PRLR: variants seen among roughly 807,000 people sequenced by gnomAD.
PRLR encodes hPRL receptor.
Under a neutral mutation model 40.2 loss-of-function variants are expected in PRLR, and 13 were observed. That is an observed-to-expected ratio of 0.32 (90% CI 0.21 to 0.51). The LOEUF (loss-of-function observed/expected upper bound fraction) is 0.51. PRLR is among the 20% of genes least tolerant of loss of function. The pLI is 0.97. For synonymous variants in PRLR, 269 were observed against 278.7 expected (o/e 0.97, Z 0.35); for missense variants, 656 against 747.3 (o/e 0.88, Z 1.42).
At chr5:35,049,658 C>T (rs1336331740) in intron 8 of PRLR, among the ~76,000 whole-genome samples, 2 of 152,160 alleles carry the variant, frequency 1.3e-5, no homozygotes, top group Non-Finnish European at 2.9e-5. Flanking sequence ...TGTGTATACA[C>T]ATGCTGTTTC....
At chr5:35,154,885 G>A (rs182584734) in intron 1 of PRLR, among the ~76,000 whole-genome samples, 165 of 151,974 alleles carry the variant, frequency 1.1e-3, no homozygotes, top group Admixed American at 1.8e-3. Context: ...ATTAATGCAG[G>A]AACAGAAAAC....
At chr5:35,080,557 G>A (rs577114898) in intron 5 of PRLR, among the ~76,000 whole-genome samples, 2 of 152,302 alleles carry the variant, frequency 1.3e-5, no homozygotes, top group East Asian at 3.9e-4. Flanking sequence ...TGCCGGAGAG[G>A]ATGTGGAGAA....
intron 1 of PRLR, among the ~76,000 whole-genome samples, chr5:35,138,498 T>C (rs1209925215): frequency 6.6e-6 from 1 of 152,224 alleles, no homozygotes. Flanking sequence ...TTGGAATTTA[T>C]GGAAAACAGG....
At chr5:35,093,003 C>T (rs73072984) in intron 2 of PRLR, among the ~76,000 whole-genome samples, 3,525 of 152,222 alleles carry the variant, frequency 0.023, 141 homozygotes, top group African/African-American at 0.081. Context: ...AAGAAAAGTC[C>T]CTTCTCCCTT....
At chr5:35,178,200 C>G (rs955541014) in intron 1 of PRLR, among the ~76,000 whole-genome samples, 3 of 152,044 alleles carry the variant, frequency 2.0e-5, no homozygotes, top group Admixed American at 6.6e-5. Flanking sequence ...TTTTTGAAAC[C>G]AAATTTTTGC....
intron 1 of PRLR, among the ~76,000 whole-genome samples, chr5:35,145,548 C>T (rs1774159548): frequency 1.3e-5 from 2 of 152,194 alleles, no homozygotes. Context: ...TTGAACTTGG[C>T]TTGAGGATTT....
At chr5:35,095,812 A>G (rs1193637272) in intron 2 of PRLR, among the ~76,000 whole-genome samples, 2 of 152,220 alleles carry the variant, frequency 1.3e-5, no homozygotes, top group Non-Finnish European at 2.9e-5. Flanking sequence ...AGAACTTTCC[A>G]TAGTGAATTA....
intron 5 of PRLR, among the ~76,000 whole-genome samples, chr5:35,082,291 T>C (rs1369784844): frequency 6.6e-6 from 1 of 152,246 alleles, no homozygotes; most frequent in Non-Finnish European, 1.5e-5. Context: ...AAACAGCAGC[T>C]AATTAATATA....
At chr5:35,229,911 C>T (rs1483171633) in intron 1 of PRLR, among the ~76,000 whole-genome samples, 1 of 152,134 alleles carries the variant, frequency 6.6e-6, no homozygotes, top group African/African-American at 2.4e-5. Flanking sequence ...ATCCCACAAT[C>T]AACGCCGAAA....
chr5:35,183,274 C>A (rs1052984948), intron 1 of PRLR, among the ~76,000 whole-genome samples: 1 of 152,168 alleles, frequency 6.6e-6, no homozygotes, highest in Non-Finnish European at 1.5e-5. Context: ...ATATGACAGT[C>A]CATTAAAGAA....
At chr5:35,157,985 T>C (rs1774559296) in intron 1 of PRLR, among the ~76,000 whole-genome samples, 1 of 152,232 alleles carries the variant, frequency 6.6e-6, no homozygotes, top group Non-Finnish European at 1.5e-5. Context: ...TAAGCCAAAT[T>C]TATCTGCTAG....
intron 2 of PRLR, among the ~76,000 whole-genome samples, chr5:35,103,110 A>G (rs1448080754): frequency 1.3e-5 from 2 of 152,266 alleles, no homozygotes; most frequent in East Asian, 1.9e-4. Flanking sequence ...TGTTATATCT[A>G]TTTTGCTCAA....
intron 1 of PRLR, among the ~76,000 whole-genome samples, chr5:35,185,805 C>T (rs976340309): frequency 1.4e-4 from 22 of 152,168 alleles, no homozygotes; most frequent in Non-Finnish European, 3.1e-4. Context: ...CCATTGATTG[C>T]TTGTGGGGAG....
intron 1 of PRLR, among the ~76,000 whole-genome samples, chr5:35,214,217 T>C (rs1776232770): frequency 6.6e-6 from 1 of 152,198 alleles, no homozygotes; most frequent in African/African-American, 2.4e-5. Context: ...ATCTCCTAGC[T>C]TCATCTCCCT....
At chr5:35,159,939 C>A (rs1339081981) in intron 1 of PRLR, among the ~76,000 whole-genome samples, 1 of 152,108 alleles carries the variant, frequency 6.6e-6, no homozygotes, top group Non-Finnish European at 1.5e-5. Context: ...TTAAATAAGG[C>A]ATGTTAGAGA....
intron 1 of PRLR, chr5:35,130,369 T>G (rs532522920): frequency 1.3e-5 from 2 of 152,246 alleles, no homozygotes; most frequent in African/African-American, 4.8e-5. Context: ...GGGGCAACCA[T>G]AGCAAGGGCA....
At position 35,230,350 on chromosome 5, in the gene PRLR, G is replaced by GGA. The variant is rs1428482507; in HGVS notation, c.-189_-188insTC. 14 of 152,312 alleles carry GGA rather than the reference G, an allele frequency of 9.2e-5. No individual in the cohort carries two copies. Among genetic ancestry groups the GGA allele is most frequent in the Non-Finnish European group, 1.6e-4 (11 of 68,098 alleles). The allele number at this position is 152,312 out of a possible 1,614,324, so 9.4% of individuals were successfully genotyped here. ...ATGAAGCTCCATTGTGTGGAAAGCT[G>GGA]TTTCGCGAACGGTCGGTAAAATCCA... On this transcript the variant is annotated 5_prime_UTR_variant, in exon 1 of 10. Coordinates refer to ENST00000618457, the MANE Select transcript of PRLR (RefSeq NM_000949.7).
intron 1 of PRLR, among the ~76,000 whole-genome samples, chr5:35,144,290 T>C (rs1326068018): frequency 6.6e-6 from 1 of 152,176 alleles, no homozygotes. Context: ...TATTGGGGTA[T>C]TGTAGAACAT....
intron 1 of PRLR, among the ~76,000 whole-genome samples, chr5:35,124,158 G>A (rs1217076617): frequency 6.6e-6 from 1 of 152,196 alleles, no homozygotes; most frequent in South Asian, 2.1e-4. Flanking sequence ...CTTCCAACTG[G>A]TGGAAATTAC....
Sources: gnomAD v4.1 joint callset for allele counts (sites outside exome capture counted in the v4.1 genomes callset) on GRCh38, gnomAD v4.1.1 for gene constraint, MANE v1.5 for transcripts, NCBI Gene and HGNC (gene_info 2026-07-23, HGNC 2026-07-21) for gene names.